The following GALNT13 variants were observed in gnomAD, a reference collection of about 807,000 sequenced individuals.
GALNT13 encodes the protein UDP-GalNAc:polypeptide N-acetylgalactosaminyltransferase 13.
Under a neutral mutation model 64.2 loss-of-function variants are expected in GALNT13, and 28 were observed. That is an observed-to-expected ratio of 0.44 (90% CI 0.32 to 0.60). The LOEUF (loss-of-function observed/expected upper bound fraction) is 0.60. GALNT13 is among the 20% of genes least tolerant of loss of function. The pLI is 0.05. For missense variants in GALNT13, 577 were observed against 669.8 expected, an observed-to-expected ratio of 0.86 and a Z score of 1.53; for synonymous variants, 214 against 224.6, an observed-to-expected ratio of 0.95 and a Z score of 0.42.
the GALNT13 span, among the ~76,000 whole-genome samples, chr2:153,606,718 T>C: frequency 6.6e-6 from 1 of 152,168 alleles, no homozygotes; most frequent in African/African-American, 2.4e-5. Context: ...TGACAAGCCA[T>C]ATGGCCCAGA....
the GALNT13 span, among the ~76,000 whole-genome samples, chr2:153,322,610 G>A: frequency 1.3e-5 from 2 of 151,932 alleles, no homozygotes; most frequent in Non-Finnish European, 2.9e-5. Flanking sequence ...CCATCAACCC[G>A]TTATCTACAT....
chr2:154,024,801 G>T (rs1558916050), intron 3 of GALNT13, among the ~76,000 whole-genome samples: 1 of 152,036 alleles, frequency 6.6e-6, no homozygotes, highest in Non-Finnish European at 1.5e-5. Flanking sequence ...TTTCTGCTCT[G>T]TTTTTTTCCC....
At chr2:154,371,587 G>A (rs1321210101) in intron 9 of GALNT13, among the ~76,000 whole-genome samples, 2 of 151,962 alleles carry the variant, frequency 1.3e-5, no homozygotes, top group South Asian at 2.1e-4. Context: ...AATAGCAAAA[G>A]GAAATTTCTT....
At chr2:153,281,131 T>C in the GALNT13 span, among the ~76,000 whole-genome samples, 6 of 152,332 alleles carry the variant, frequency 3.9e-5, no homozygotes, top group South Asian at 1.2e-3. Flanking sequence ...TTTGTCCTTT[T>C]ATACTGTTGT....
At chr2:153,439,722 C>T in the GALNT13 span, among the ~76,000 whole-genome samples, 5 of 152,130 alleles carry the variant, frequency 3.3e-5, no homozygotes, top group Non-Finnish European at 5.9e-5. Flanking sequence ...TCAGTCACCC[C>T]TTTCTTTGAC....
the GALNT13 span, among the ~76,000 whole-genome samples, chr2:153,660,774 T>C: frequency 6.6e-6 from 1 of 152,062 alleles, no homozygotes; most frequent in Admixed American, 6.6e-5. Flanking sequence ...TGTATTATCC[T>C]TATAGCAGAG....
chr2:154,268,137 A>T (rs1374046335), intron 8 of GALNT13, among the ~76,000 whole-genome samples: 1 of 152,170 alleles, frequency 6.6e-6, no homozygotes, highest in African/African-American at 2.4e-5. Flanking sequence ...GTTGTATGCC[A>T]ATATTCATAG....
the GALNT13 span, among the ~76,000 whole-genome samples, chr2:153,734,880 G>T: frequency 6.6e-6 from 1 of 152,102 alleles, no homozygotes; most frequent in Non-Finnish European, 1.5e-5. Flanking sequence ...GGAAATACCA[G>T]CTTTTGCATT....
chr2:153,176,409 A>G, the GALNT13 span, among the ~76,000 whole-genome samples: 4 of 152,188 alleles, frequency 2.6e-5, no homozygotes, highest in African/African-American at 9.6e-5. Context: ...TACAGTTACT[A>G]GAAGCACTAT....
the GALNT13 span, among the ~76,000 whole-genome samples, chr2:153,826,971 C>A: frequency 6.6e-6 from 1 of 152,018 alleles, no homozygotes; most frequent in South Asian, 2.1e-4. Context: ...TTGACATGTT[C>A]ATTTTGTGAA....
chr2:154,449,022 G>T (rs1293529245), intron 12 of GALNT13, among the ~76,000 whole-genome samples: 2 of 151,794 alleles, frequency 1.3e-5, no homozygotes, highest in East Asian at 3.9e-4. Context: ...TATTGTTTTT[G>T]TTATGCATCT....
At chr2:153,439,910 T>A in the GALNT13 span, among the ~76,000 whole-genome samples, 3 of 152,196 alleles carry the variant, frequency 2.0e-5, no homozygotes, top group East Asian at 5.8e-4. Context: ...TCTGTGTCGC[T>A]CACGCTGGGA....
At chr2:153,078,159 T>C in the GALNT13 span, among the ~76,000 whole-genome samples, 2 of 152,048 alleles carry the variant, frequency 1.3e-5, no homozygotes, top group Admixed American at 1.3e-4. Context: ...AACTTGTGAG[T>C]GTATAAATGA....
intron 4 of GALNT13, chr2:154,236,004 A>T: frequency 8.9e-7 from 1 of 1,124,340 alleles, no homozygotes; most frequent in Non-Finnish European, 1.2e-6. Flanking sequence ...TTTCCAAAGT[A>T]GATCAGCTGG....
At chr2:153,513,868 G>A in the GALNT13 span, among the ~76,000 whole-genome samples, 6 of 152,144 alleles carry the variant, frequency 3.9e-5, no homozygotes, top group East Asian at 1.9e-4. Context: ...TGTTTGAAGC[G>A]TAGAGAACTT....
chr2:153,973,245 C>T (rs1465945643), intron 3 of GALNT13, among the ~76,000 whole-genome samples: 1 of 151,934 alleles, frequency 6.6e-6, no homozygotes, highest in Non-Finnish European at 1.5e-5. Flanking sequence ...TTAAAAATTA[C>T]AGTGATCGTG....
At chr2:153,726,757 G>C in the GALNT13 span, among the ~76,000 whole-genome samples, 1 of 151,800 alleles carries the variant, frequency 6.6e-6, no homozygotes, top group Non-Finnish European at 1.5e-5. Context: ...TGGCTAACAC[G>C]GTGAAACCCT....
chr2:153,161,164 G>C, the GALNT13 span, among the ~76,000 whole-genome samples: 118,290 of 152,214 alleles, frequency 0.78, 46,701 homozygotes, highest in African/African-American at 0.92. Flanking sequence ...GCAATACACC[G>C]CTTATGAACT....
chr2:153,574,931 G>A, the GALNT13 span, among the ~76,000 whole-genome samples: 1 of 151,938 alleles, frequency 6.6e-6, no homozygotes, highest in African/African-American at 2.4e-5. Flanking sequence ...GCTAGTAGTT[G>A]CTCCTTAATG....
Sources: allele counts gnomAD v4.1 joint callset (sites outside exome capture counted in the v4.1 genomes callset), GRCh38; gene constraint gnomAD v4.1.1; transcripts MANE v1.5; gene names NCBI Gene and HGNC (gene_info 2026-07-23, HGNC 2026-07-21).